Variants in MYBPC1 observed in about 807,000 individuals in gnomAD.
MYBPC1 encodes the protein myosin-binding protein C, slow-type.
A neutral mutation model predicts 147.1 loss-of-function variants in MYBPC1; 52 were observed. The ratio of observed to expected loss-of-function variants is 0.35; its 90% CI spans 0.28 to 0.45. MYBPC1 has a LOEUF of 0.45. MYBPC1 is among the 20% of genes least tolerant of loss of function. The probability of loss-of-function intolerance (pLI) is 1.00; values close to 1 mark genes in which losing one functional copy is unlikely to be tolerated. For missense variants in MYBPC1, 1,228 were observed against 1,440.3 expected (o/e 0.85, Z 2.39); for synonymous variants, 477 against 475.9 (o/e 1.00, Z -0.03).
intron 1 of MYBPC1, among the ~76,000 whole-genome samples, chr12:101,613,786 GA>G (rs1885066953): frequency 6.6e-6 from 1 of 152,170 alleles, no homozygotes; most frequent in African/African-American, 2.4e-5. Context: ...GTGTAGGTGG[GA>G]ATCTACTCCA....
chr12:101,663,119 G>A (rs1412561341), intron 21 of MYBPC1, among the ~76,000 whole-genome samples: 1 of 152,060 alleles, frequency 6.6e-6, no homozygotes, highest in Non-Finnish European at 1.5e-5. Context: ...AAATTAGAGA[G>A]CAATGGGAAA....
In MYBPC1 at chr12:101,685,676, A is replaced by G; in HGVS notation, c.*114A>G. The G allele has an allele frequency of 5.9e-6, 9 of 1,516,944 alleles. No homozygotes were observed. Among genetic ancestry groups the G allele is most frequent in the Non-Finnish European group, 8.0e-6 (9 of 1,129,898 alleles). 94.0% of individuals were successfully genotyped at this position (1,516,944 alleles called of 1,614,324 possible). A position where few individuals can be genotyped will look rare whatever the true frequency, so the allele number is the denominator to read the frequency against. On this transcript the variant is annotated 3_prime_UTR_variant, in exon 32 of 32. Coordinates refer to ENST00000361466, the MANE Select transcript of MYBPC1 (RefSeq NM_002465.4). ...ACTTACACTCAAGCAATCCTGAGGAATACTGAGGGAGGGCCTGGCTACTGT... is the reference window on the plus strand; with the variant it reads ...ACTTACACTCAAGCAATCCTGAGGAGTACTGAGGGAGGGCCTGGCTACTGT...
chr12:101,595,955 T>C (rs1461179921), intron 1 of MYBPC1, among the ~76,000 whole-genome samples: 1 of 152,028 alleles, frequency 6.6e-6, no homozygotes, highest in Admixed American at 6.5e-5. Context: ...TGCATTGAAT[T>C]TAATTTTTAA....
intron 1 of MYBPC1, among the ~76,000 whole-genome samples, chr12:101,601,760 G>A (rs763119857): frequency 5.3e-5 from 8 of 151,830 alleles, no homozygotes; most frequent in South Asian, 4.2e-4. Context: ...AGCTATTTTG[G>A]TAAGTATTCT....
At chr12:101,693,092 G>A in the MYBPC1 span, among the ~76,000 whole-genome samples, 1 of 151,796 alleles carries the variant, frequency 6.6e-6, no homozygotes, top group Non-Finnish European at 1.5e-5. Context: ...GACTACAGGT[G>A]CCCACCACCA....
At chr12:101,623,024 A>G (rs1274844668) in intron 3 of MYBPC1, among the ~76,000 whole-genome samples, 2 of 152,138 alleles carry the variant, frequency 1.3e-5, no homozygotes, top group Non-Finnish European at 2.9e-5. Flanking sequence ...CTACTCACCT[A>G]TCAAATTTTT....
chr12:101,662,009 T>C (rs1212125464), intron 20 of MYBPC1, among the ~76,000 whole-genome samples: 2 of 151,962 alleles, frequency 1.3e-5, no homozygotes, highest in Non-Finnish European at 1.5e-5. Flanking sequence ...ACAAAACTGG[T>C]CATTTCCCTC....
At position 101,595,135 on chromosome 12, in the gene MYBPC1, T is replaced by C. The variant is rs1876681928; in HGVS notation, c.25+40T>C. 3.2e-6 allele frequency: 5 copies of C among 1,545,566 alleles called. No individual in the cohort carries two copies. In the South Asian group the frequency reaches 4.5e-5, roughly 14 times the overall value. ...GAAATCTTTTTGTTGTACTCCTGAATAAAGTGTTTATTTTGGTATTTATCT... is the reference window on the plus strand; with the variant it reads ...GAAATCTTTTTGTTGTACTCCTGAACAAAGTGTTTATTTTGGTATTTATCT... On this transcript the variant is annotated intron_variant, in intron 1 of 31. Coordinates refer to ENST00000361466, the MANE Select transcript of MYBPC1 (RefSeq NM_002465.4).
chr12:101,630,587 C>T (rs1889686648), intron 6 of MYBPC1, among the ~76,000 whole-genome samples: 1 of 152,168 alleles, frequency 6.6e-6, no homozygotes, highest in Non-Finnish European at 1.5e-5. Flanking sequence ...TGCGCTAGGT[C>T]ATAATTCATA....
chr12:101,653,640 A>C (rs1349938415), intron 18 of MYBPC1, among the ~76,000 whole-genome samples: 6 of 152,208 alleles, frequency 3.9e-5, no homozygotes, highest in African/African-American at 1.4e-4. Flanking sequence ...CTGCATAGTC[A>C]ATGGCAGCCT....
rs1555252603 is a variant in MYBPC1 at position 101,671,331 on chromosome 12, A to ACACACT, written c.2613+927_2613+928insTCACAC. ...CATATACACACACACACACACACAC[A>ACACACT]CACACACTCACACACACACACTCAC... On this transcript the variant is annotated intron_variant, in intron 24 of 31. Transcript: ENST00000361466. Among the ~76,000 whole-genome samples, 257 of 117,242 alleles carry ACACACT rather than the reference A, an allele frequency of 2.2e-3. 1 individual carries two copies. The highest frequency in any genetic ancestry group is 6.5e-3 in the African/African-American group (233 of 35,688). 76.9% of individuals were successfully genotyped at this position (117,242 alleles called of 152,430 possible).
chr12:101,692,318 G>C, the MYBPC1 span, among the ~76,000 whole-genome samples: 1 of 152,124 alleles, frequency 6.6e-6, no homozygotes, highest in African/African-American at 2.4e-5. Context: ...GACTGGAATG[G>C]CACAAAACCA....
At chr12:101,600,116 T>C (rs906576843) in intron 1 of MYBPC1, among the ~76,000 whole-genome samples, 4 of 152,162 alleles carry the variant, frequency 2.6e-5, no homozygotes, top group African/African-American at 9.7e-5. Context: ...AGAAATTCCC[T>C]CTTGTTCCCA....
At chr12:101,695,400 C>G in the MYBPC1 span, among the ~76,000 whole-genome samples, 3 of 152,186 alleles carry the variant, frequency 2.0e-5, no homozygotes, top group Admixed American at 1.3e-4. Context: ...CATCACGCTA[C>G]TCAGAATGGC....
chr12:101,629,810 T>C (rs1593773731), intron 6 of MYBPC1, among the ~76,000 whole-genome samples: 1 of 151,586 alleles, frequency 6.6e-6, no homozygotes. Context: ...GAGGCGGAGG[T>C]TGCAGTGAAC....
chr12:101,647,576 GAAAACAAAAC>G (rs76794158), intron 13 of MYBPC1, among the ~76,000 whole-genome samples: 2 of 151,798 alleles, frequency 1.3e-5, no homozygotes, highest in Admixed American at 6.6e-5. Context: ...AACAGACATA[GAAAACAAAAC>G]AAAACAAAAC....
intron 15 of MYBPC1, 122 bp from the exon 16 acceptor site, chr12:101,651,109 T>C (rs1894348550): frequency 9.5e-7 from 1 of 1,048,288 alleles, no homozygotes; most frequent in Non-Finnish European, 1.5e-6. Flanking sequence ...ATTGCATTGG[T>C]ACAGCTTCTC....
intron 26 of MYBPC1, 98 bp from the exon 27 acceptor site, chr12:101,677,137 G>A (rs995730585): frequency 8.2e-7 from 1 of 1,219,892 alleles, no homozygotes; most frequent in African/African-American, 1.5e-5. Context: ...TTTTCTTTTT[G>A]TTAATAAAGC....
chr12:101,601,000 A>G (rs7974894), intron 1 of MYBPC1, among the ~76,000 whole-genome samples: 2,821 of 152,268 alleles, frequency 0.019, 87 homozygotes, highest in African/African-American at 0.065. Flanking sequence ...GGTTTGTTCA[A>G]AGTACTGCAT....
Sources: gnomAD v4.1 joint callset for allele counts (sites outside exome capture counted in the v4.1 genomes callset) on GRCh38, gnomAD v4.1.1 for gene constraint, MANE v1.5 for transcripts, NCBI Gene and HGNC (gene_info 2026-07-23, HGNC 2026-07-21) for gene names.